Variants in CASP8 observed in about 807,000 individuals in gnomAD.
The protein encoded by CASP8 is caspase 8.
A neutral mutation model predicts 46.3 loss-of-function variants in CASP8; 24 were observed. The ratio of observed to expected loss-of-function variants is 0.52; its 90% CI spans 0.38 to 0.73. The LOEUF is 0.73. CASP8 is among the 30% of genes least tolerant of loss of function. CASP8 has a pLI of 0.00. For synonymous variants in CASP8, 188 were observed against 200.4 expected, an observed-to-expected ratio of 0.94 and a Z score of 0.52; for missense variants, 460 against 559.0, an observed-to-expected ratio of 0.82 and a Z score of 1.79.
chr2:201,244,640 A>G lies in CASP8; in HGVS notation c.-27+10528A>G, dbSNP rs143909391. On this transcript the variant is annotated intron_variant, in intron 2 of 6. Coordinates refer to the CASP8 transcript ENST00000264274. The stretch of plus-strand genomic sequence containing the variant: ...CCAGGCAAAGCAACAAAGCCACTTT[A>G]TGGAAAACATTGAATTAGAAGCCTC... 2.9e-3 allele frequency among the ~76,000 whole-genome samples: 447 copies of G among 152,360 alleles called. 3 individuals are homozygous for G. The highest frequency in any genetic ancestry group is 0.01 in the African/African-American group (419 of 41,592).
chr2:201,285,473 C>T (rs374337143), intron 8 of CASP8, among the ~76,000 whole-genome samples, 156 bp downstream of exon 8: 38 of 152,290 alleles, frequency 2.5e-4, no homozygotes, highest in African/African-American at 8.4e-4. Flanking sequence ...GAGTGGTTTC[C>T]GTTCAACTCT....
chr2:201,286,049 G>A (rs918055888), intron 8 of CASP8, among the ~76,000 whole-genome samples: 2 of 152,188 alleles, frequency 1.3e-5, no homozygotes, highest in Admixed American at 6.5e-5. Flanking sequence ...TGCAGGAGAC[G>A]TTATACTTTC....
intron 2 of CASP8, chr2:201,240,477 A>C (rs897573768): frequency 2.6e-5 from 4 of 152,250 alleles, no homozygotes; most frequent in African/African-American, 9.6e-5. Flanking sequence ...CACCATGAAG[A>C]TATAACAATT....
In CASP8 at chr2:201,265,677, C is replaced by T. The variant is rs538449079; in HGVS notation, c.-26-784C>T. Among the ~76,000 whole-genome samples the T allele has an allele frequency of 9.9e-5, 15 of 152,254 alleles. No homozygotes were observed. In the South Asian group the frequency reaches 2.5e-3, roughly 25 times the overall value. On this transcript the variant is annotated intron_variant, in intron 1 of 8. Coordinates refer to ENST00000673742, the MANE Select transcript of CASP8 (RefSeq NM_001372051.1). ...CTAAACCCCTCGCCCCATGGTAATG[C>T]GGCCCCTTTGTGACATGGTACCTGG... is the stretch of plus-strand genomic sequence containing the variant.
intron 2 of CASP8, among the ~76,000 whole-genome samples, chr2:201,247,067 C>A (rs954891464): frequency 2.6e-5 from 4 of 151,458 alleles, no homozygotes; most frequent in Non-Finnish European, 4.4e-5. Flanking sequence ...CAGTGGCAGG[C>A]GCCTGTATTC....
In CASP8 at chr2:201,272,566, A is replaced by T. The variant is rs548526989; in HGVS notation, c.412-72A>T. The T allele has an allele frequency of 9.0e-4, 821 of 907,588 alleles. 5 individuals carry two copies. In the African/African-American group the frequency reaches 0.011, roughly 12 times the overall value. The allele number at this position is 907,588 out of a possible 1,614,324, so 56.2% of individuals were successfully genotyped here. A position where few individuals can be genotyped will look rare whatever the true frequency, so the allele number is the denominator to read the frequency against. ...TCCTTGGTTGGAGAAATTGGAAATT[A>T]AAAAAAAAAATCTAATCTAAAAACC... is the stretch of plus-strand genomic sequence containing the variant. On this transcript the variant is annotated intron_variant, in intron 3 of 8. Coordinates refer to ENST00000673742, the MANE Select transcript of CASP8 (RefSeq NM_001372051.1). This position sits in a 1 kb window ranked among gnomAD's most constrained non-coding sequence, Gnocchi z 4.4.
chr2:201,271,721 G>T, intron 3 of CASP8, 100 bp downstream of exon 3: 1 of 760,404 alleles, frequency 1.3e-6, no homozygotes. Flanking sequence ...AAGCAACCTG[G>T]ATTCTCACTT....
chr2:201,251,067 GCCT>G (rs1946756423), intron 2 of CASP8, among the ~76,000 whole-genome samples: 1 of 152,140 alleles, frequency 6.6e-6, no homozygotes, highest in Non-Finnish European at 1.5e-5. Context: ...GCTCTTCCAT[GCCT>G]TTGCGTGGTT....
intron 7 of CASP8, among the ~76,000 whole-genome samples, chr2:201,282,577 A>T (rs1949147371): frequency 1.0e-5 from 1 of 97,152 alleles, no homozygotes; most frequent in Non-Finnish European, 2.5e-5. Context: ...TGACCCCCCC[A>T]CCGCCCTCCC....
At position 201,276,893 on chromosome 2, in the gene CASP8, A is replaced by C; in HGVS notation, c.727A>C (p.Asn243His). ...ATACTGTCTGATCATCAACAATCAC[A>C]ATTTTGCAAAAGCACGGGAGAAAGT... ...RGYCLIINNHNFAKAREKVPK... is the reference protein window; with the variant it reads ...RGYCLIINNHHFAKAREKVPK... Residue 243 changes from asparagine to histidine, a missense_variant, in exon 7 of 9, where the codon AAT becomes CAT. Asn to His is a moderately conservative substitution (Grantham distance 68, BLOSUM62 1). Coordinates refer to ENST00000673742, the MANE Select transcript of CASP8 (RefSeq NM_001372051.1). 1.9e-6 allele frequency: 3 copies of C among 1,614,146 alleles called. No individual in the cohort carries two copies. Among genetic ancestry groups the C allele is most frequent in the Non-Finnish European group, 2.5e-6 (3 of 1,179,964 alleles).
chr2:201,237,275 G>A (rs112520379), intron 2 of CASP8, among the ~76,000 whole-genome samples: 1 of 150,844 alleles, frequency 6.6e-6, no homozygotes. Context: ...ATTTTTAGTA[G>A]AGATGGGGTT....
intron 1 of CASP8, among the ~76,000 whole-genome samples, chr2:201,264,284 T>A (rs1240058689): frequency 6.6e-6 from 1 of 152,194 alleles, no homozygotes; most frequent in African/African-American, 2.4e-5. Flanking sequence ...CTTGTTTAAG[T>A]GAATGTAGGA....
intron 7 of CASP8, among the ~76,000 whole-genome samples, chr2:201,282,225 A>G (rs1299758990): frequency 2.1e-5 from 1 of 47,160 alleles, no homozygotes; most frequent in Admixed American, 1.7e-4. Context: ...TGGACACAGC[A>G]CATGTTTCAG....
intron 2 of CASP8, among the ~76,000 whole-genome samples, chr2:201,248,154 ATC>A (rs368116735): frequency 5.6e-4 from 86 of 152,260 alleles, no homozygotes; most frequent in African/African-American, 2.0e-3. Context: ...TAGTAATTAA[ATC>A]TCTCGCTTTT....
chr2:201,258,362 T>C, upstream of CASP8: 1 of 1,613,990 alleles, frequency 6.2e-7, no homozygotes. Flanking sequence ...ACTGCGATGG[T>C]GCCAGGAAAG....
At chr2:201,268,225 A>G (rs2125178267) in intron 2 of CASP8, among the ~76,000 whole-genome samples, 1 of 152,216 alleles carries the variant, frequency 6.6e-6, no homozygotes, top group Non-Finnish European at 1.5e-5. Context: ...ATGCCCAGCC[A>G]AGGCTTGACC....
chr2:201,258,354 T>A, upstream of CASP8: 1 of 1,614,016 alleles, frequency 6.2e-7, no homozygotes, highest in South Asian at 1.1e-5. Context: ...ACTCGGAGAC[T>A]GCGATGGTGC....
chr2:201,281,656 A>T (rs1949018231), intron 7 of CASP8, among the ~76,000 whole-genome samples: 1 of 151,646 alleles, frequency 6.6e-6, no homozygotes, highest in Admixed American at 6.5e-5. Flanking sequence ...TTAGGATAAA[A>T]TAAGTTGGAT....
intron 1 of CASP8, among the ~76,000 whole-genome samples, chr2:201,264,720 T>C (rs915107187): frequency 6.6e-5 from 10 of 152,188 alleles, no homozygotes; most frequent in African/African-American, 2.4e-4. Flanking sequence ...TAGTCTCAGC[T>C]ACTCAGCAGG....
Sources: gnomAD v4.1 joint callset for allele counts (sites outside exome capture counted in the v4.1 genomes callset) on GRCh38, gnomAD v4.1.1 for gene constraint, Gnocchi (gnomAD v3.1) non-coding constraint, MANE v1.5 for transcripts, NCBI Gene and HGNC (gene_info 2026-07-23, HGNC 2026-07-21) for gene names.